CA12: variants seen among roughly 807,000 people sequenced by gnomAD.
CA12 encodes carbonic anhydrase 12.
Under a neutral mutation model 46.8 loss-of-function variants are expected in CA12, and 36 were observed. The observed-to-expected ratio is 0.77, with a 90% confidence interval of 0.59 to 1.02. The LOEUF (loss-of-function observed/expected upper bound fraction) is 1.02, where lower values mean the gene tolerates loss of function less well. CA12 is among the 50% of genes least tolerant of loss of function. The pLI is 0.00. For synonymous variants in CA12, 202 were observed against 187.0 expected (o/e 1.08, Z -0.65); for missense variants, 436 against 451.4 (o/e 0.97, Z 0.31).
Position 63,345,028 on chromosome 15 carries a change from A to T in CA12, c.429+449T>A, listed in dbSNP as rs2039127852. 6.6e-6 allele frequency among the ~76,000 whole-genome samples: 1 copy of T among 152,194 alleles called. No individual in the cohort carries two copies. Among genetic ancestry groups the T allele is most frequent in the South Asian group, 2.1e-4 (1 of 4,834 alleles). On this transcript the variant is annotated intron_variant, in intron 4 of 10. Coordinates refer to ENST00000178638, the MANE Select transcript of CA12 (RefSeq NM_001218.5). This position sits in a 1 kb window ranked among gnomAD's most constrained non-coding sequence, Gnocchi z 4.3. ...AGACCCATGTCCCCATGTTCTAAAC[A>T]CAACCCATGCCCAGAGAGGGAAAGA...
Position 63,328,265 on chromosome 15 carries a change from A to G in CA12, c.875-135T>C. 1 of 783,612 alleles carries G rather than the reference A, an allele frequency of 1.3e-6. No homozygotes were observed. Among genetic ancestry groups the G allele is most frequent in the Non-Finnish European group, 2.2e-6 (1 of 448,524 alleles). 48.5% of individuals were successfully genotyped at this position (783,612 alleles called of 1,614,324 possible). On this transcript the variant is annotated intron_variant, in intron 8 of 10. Coordinates refer to ENST00000178638, the MANE Select transcript of CA12 (RefSeq NM_001218.5). This position sits in a 1 kb window ranked among gnomAD's most constrained non-coding sequence, Gnocchi z 5.9. The stretch of plus-strand genomic sequence containing the variant: ...CTCTAGGGATGTCCACCCTTGGCTC[A>G]GGGATTGCCTGATGAAGTACAGGAA...
At chr15:63,367,973 C>G (rs8039774) in intron 2 of CA12, among the ~76,000 whole-genome samples, 146,721 of 152,302 alleles carry the variant, frequency 0.96, 70,856 homozygotes, top group Non-Finnish European at 1. Flanking sequence ...TTCAAGATCT[C>G]ACATGATTCC....
At chr15:63,360,306 G>A (rs1454376997) in intron 2 of CA12, among the ~76,000 whole-genome samples, 2 of 152,184 alleles carry the variant, frequency 1.3e-5, no homozygotes, top group South Asian at 2.1e-4. Flanking sequence ...TCTTTTAAAG[G>A]GGGCGGCTAG....
rs771988455 is a variant in CA12, at chr15:63,381,605, G to C, written c.85+31C>G. The C allele has an allele frequency of 2.5e-6, 4 of 1,584,664 alleles. No individual in the cohort carries two copies. The East Asian group carries it at 6.8e-5, about 27-fold the overall frequency. The stretch of plus-strand genomic sequence containing the variant: ...CCCAGGGGCGGCTGAGCGCTCAGGA[G>C]TGTTAGGAAAGAAGCAGGCGGAAAC... On this transcript the variant is annotated intron_variant, in intron 1 of 10. Transcript: ENST00000178638.
At chr15:63,326,677 C>T (rs2038871366) in intron 10 of CA12, among the ~76,000 whole-genome samples, 1 of 151,894 alleles carries the variant, frequency 6.6e-6, no homozygotes, top group Non-Finnish European at 1.5e-5. Flanking sequence ...TTTTCATACC[C>T]CCCCCAAATA....
intron 2 of CA12, among the ~76,000 whole-genome samples, chr15:63,365,516 C>A (rs141172720): frequency 4.2e-4 from 64 of 152,324 alleles, no homozygotes; most frequent in African/African-American, 1.5e-3. Context: ...GTGACATGAG[C>A]TTCCCCTCCC....
Position 63,340,948 on chromosome 15 carries a change from G to A in CA12, c.526-165C>T, listed in dbSNP as rs2039070826. Among the ~76,000 whole-genome samples the A allele has an allele frequency of 6.6e-6, 1 of 152,298 alleles. No homozygotes were observed. Among genetic ancestry groups the A allele is most frequent in the African/African-American group, 2.4e-5 (1 of 41,566 alleles). On this transcript the variant is annotated intron_variant, in intron 5 of 10. Transcript: ENST00000178638. The surrounding 1 kb of genome is among the most constrained non-coding windows in gnomAD (Gnocchi z 4.4). ...TGGATCACTAGGCTCTTGGGAGTTA[G>A]TGTAATGGTCCTGCCTCTTGCATCT...
chr15:63,364,780 C>T (rs997639096), intron 2 of CA12, among the ~76,000 whole-genome samples: 1 of 152,232 alleles, frequency 6.6e-6, no homozygotes, highest in Non-Finnish European at 1.5e-5. Context: ...CTGTCCAGTG[C>T]TAATCACCGC....
rs557618508 is a variant in CA12 at position 63,341,166 on chromosome 15, C to T, written c.526-383G>A. 2.0e-4 allele frequency among the ~76,000 whole-genome samples: 30 copies of T among 152,224 alleles called. No individual in the cohort carries two copies. The highest frequency in any genetic ancestry group is 7.0e-4 in the African/African-American group (29 of 41,530). On this transcript the variant is annotated intron_variant, in intron 5 of 10. Coordinates refer to ENST00000178638, the MANE Select transcript of CA12 (RefSeq NM_001218.5). The surrounding 1 kb of genome is among the most constrained non-coding windows in gnomAD (Gnocchi z 5.2). ...AGCATGTTGGGAAATGAGGTACATA[C>T]AGCCTCATTAGGAAAAAAAAACATG...
At chr15:63,353,143 C>T (rs993865911) in intron 2 of CA12, among the ~76,000 whole-genome samples, 37 of 152,008 alleles carry the variant, frequency 2.4e-4, no homozygotes, top group African/African-American at 8.7e-4. Flanking sequence ...AACAAGTAAA[C>T]CAATGCACAA....
chr15:63,339,626 G>A lies in CA12; in HGVS notation c.747+662C>T, dbSNP rs911525976. Among the ~76,000 whole-genome samples, 2 of 152,308 alleles carry A rather than the reference G, an allele frequency of 1.3e-5. No individual in the cohort carries two copies. The highest frequency in any genetic ancestry group is 6.5e-5 in the Admixed American group (1 of 15,306). On this transcript the variant is annotated intron_variant, in intron 7 of 10. Transcript: ENST00000178638. The surrounding 1 kb of genome is among the most constrained non-coding windows in gnomAD (Gnocchi z 4.3). ...GCTGCCCTGGACGCATGAAGCTGGC[G>A]TGGGGCTGTGAGCCAGGGTGTAGTG... is the stretch of plus-strand genomic sequence containing the variant.
At chr15:63,380,308 G>T (rs2039629158) in intron 1 of CA12, among the ~76,000 whole-genome samples, 1 of 152,108 alleles carries the variant, frequency 6.6e-6, no homozygotes, top group South Asian at 2.1e-4. Context: ...GGGAAGAAAG[G>T]AAGGGGAGGG....
rs1315719666 is a variant in CA12 at position 63,347,152 on chromosome 15, T to C, written c.107-443A>G. Among the ~76,000 whole-genome samples, 4 of 152,236 alleles carry C rather than the reference T, an allele frequency of 2.6e-5. No homozygotes were observed. In the East Asian group the frequency reaches 5.8e-4, roughly 22 times the overall value. On this transcript the variant is annotated intron_variant, in intron 2 of 10. Coordinates refer to ENST00000178638, the MANE Select transcript of CA12 (RefSeq NM_001218.5). ...CTAGCGGGGAAGAATTTAGCAAATCTGCGGGGCCACCCCAGGTGGGAAAAA... is the reference window on the plus strand; with the variant it reads ...CTAGCGGGGAAGAATTTAGCAAATCCGCGGGGCCACCCCAGGTGGGAAAAA...
rs2039605110 is a variant in CA12, at chr15:63,378,401, C to T, written c.86-2723G>A. On this transcript the variant is annotated intron_variant, in intron 1 of 10. Transcript: ENST00000178638. The surrounding 1 kb of genome is among the most constrained non-coding windows in gnomAD (Gnocchi z 4.8). The stretch of plus-strand genomic sequence containing the variant: ...AGACTCTGTCTCAAAAAAAAAATTT[C>T]CCTAAGCTTAGACACATAAAGTTTT... Among the ~76,000 whole-genome samples, 2 of 151,906 alleles carry T rather than the reference C, an allele frequency of 1.3e-5. No individual in the cohort carries two copies. Among genetic ancestry groups the T allele is most frequent in the African/African-American group, 2.4e-5 (1 of 41,370 alleles).
At chr15:63,344,673 G>A (rs1056736274) in intron 4 of CA12, among the ~76,000 whole-genome samples, 5 of 152,090 alleles carry the variant, frequency 3.3e-5, no homozygotes, top group East Asian at 3.9e-4. Context: ...TATTTACCAC[G>A]GACTCCCCTG....
Position 63,340,258 on chromosome 15 carries a change from G to T in CA12, c.747+30C>A. On this transcript the variant is annotated intron_variant, in intron 7 of 10. Transcript: ENST00000178638. This position sits in a 1 kb window ranked among gnomAD's most constrained non-coding sequence, Gnocchi z 4.4. ...ATGATGGGGACTGAGGTGCCGCGTG[G>T]ACTCTGGCTGAGTCTGGCACGACAG... 6.2e-7 allele frequency: 1 copy of T among 1,613,678 alleles called. No homozygotes were observed. Among genetic ancestry groups the T allele is most frequent in the South Asian group, 1.1e-5 (1 of 91,056 alleles).
intron 2 of CA12, among the ~76,000 whole-genome samples, chr15:63,367,987 T>C (rs1369833731): frequency 6.6e-6 from 1 of 152,218 alleles, no homozygotes; most frequent in Admixed American, 6.5e-5. Flanking sequence ...TGATTCCCCA[T>C]CATACTTACG....
In CA12 at chr15:63,340,517, G is replaced by T; in HGVS notation, c.590-72C>A. The T allele has an allele frequency of 1.9e-6, 3 of 1,586,676 alleles. No individual in the cohort carries two copies. The South Asian group carries it at 3.3e-5, about 18-fold the overall frequency. On this transcript the variant is annotated intron_variant, in intron 6 of 10. Coordinates refer to ENST00000178638, the MANE Select transcript of CA12 (RefSeq NM_001218.5). This position sits in a 1 kb window ranked among gnomAD's most constrained non-coding sequence, Gnocchi z 4.4. ...GGGCATAAGTGCAGCTGAACAGAGC[G>T]ACTGAGCCTAGAAACATGAACTAGC...
chr15:63,325,193 G>T lies in CA12; in HGVS notation c.*1092C>A, dbSNP rs562659479. The T allele has an allele frequency of 6.6e-6, 1 of 152,326 alleles. No homozygotes were observed. The highest frequency in any genetic ancestry group is 1.9e-4 in the East Asian group (1 of 5,192). The allele number at this position is 152,326 out of a possible 1,614,324, so 9.4% of individuals were successfully genotyped here. On this transcript the variant is annotated 3_prime_UTR_variant, in exon 11 of 11. Coordinates refer to ENST00000178638, the MANE Select transcript of CA12 (RefSeq NM_001218.5). The surrounding 1 kb of genome is among the most constrained non-coding windows in gnomAD (Gnocchi z 4.9). Reference sequence around the variant, plus strand: ...ACGATTTGACATCTTCAGAGAGAGAGAAGTAGATAAAAGTCTCCATTCCAG... The same window carrying T: ...ACGATTTGACATCTTCAGAGAGAGATAAGTAGATAAAAGTCTCCATTCCAG...
Sources: allele counts gnomAD v4.1 joint callset (sites outside exome capture counted in the v4.1 genomes callset), GRCh38; gene constraint gnomAD v4.1.1; non-coding constraint Gnocchi (gnomAD v3.1); transcripts MANE v1.5; gene names NCBI Gene and HGNC (gene_info 2026-07-23, HGNC 2026-07-21).